The following GPC5 variants were observed in gnomAD, a reference collection of about 807,000 sequenced individuals.
GPC5 encodes the protein glypican 5, also known as glypican-5.
GPC5 carries 47 observed loss-of-function variants against 53.9 expected under a neutral mutation model. The observed-to-expected ratio is 0.87, with a 90% CI of 0.69 to 1.11. The LOEUF is 1.11. GPC5 is among the 50% of genes most tolerant of loss of function. The pLI is 0.00. For missense variants in GPC5, 748 were observed against 713.1 expected (o/e 1.05, Z -0.56); for synonymous variants, 286 against 263.3 (o/e 1.09, Z -0.84).
At chr13:92,460,543 A>G (rs1462895682) in intron 7 of GPC5, among the ~76,000 whole-genome samples, 1 of 152,178 alleles carries the variant, frequency 6.6e-6, no homozygotes, top group Non-Finnish European at 1.5e-5. Context: ...CCTAGTGGAT[A>G]TTGAAGAAAT....
intron 7 of GPC5, among the ~76,000 whole-genome samples, chr13:92,591,252 C>A (rs531189861): frequency 6.6e-6 from 1 of 152,182 alleles, no homozygotes; most frequent in South Asian, 2.1e-4. Context: ...CCTCCAGAAG[C>A]TTTTCTCCGT....
chr13:91,789,084 C>T (rs951333590), intron 5 of GPC5, among the ~76,000 whole-genome samples: 1 of 151,984 alleles, frequency 6.6e-6, no homozygotes, highest in South Asian at 2.1e-4. Flanking sequence ...CATGGTGGCA[C>T]GGCCTGTACT....
intron 2 of GPC5, among the ~76,000 whole-genome samples, chr13:91,619,644 C>T (rs2033798182): frequency 6.6e-6 from 1 of 151,980 alleles, no homozygotes; most frequent in Non-Finnish European, 1.5e-5. Flanking sequence ...ATGAATGTCA[C>T]ACACACACAG....
intron 5 of GPC5, among the ~76,000 whole-genome samples, chr13:91,883,291 C>T (rs771190742): frequency 8.5e-5 from 13 of 152,168 alleles, no homozygotes; most frequent in Admixed American, 5.9e-4. Context: ...AATGCCTGCT[C>T]TCTTATTATC....
rs150704266 is a variant in GPC5 at position 92,866,744 on chromosome 13, T to C, written c.*305T>C. On this transcript the variant is annotated 3_prime_UTR_variant, in exon 8 of 8. Transcript: ENST00000377067. ...GAATAAGAAGAATTTAGTGTATCTG[T>C]AATTTTATTATCAATTCCAAGCCCC... 92 of 192,526 alleles carry C rather than the reference T, an allele frequency of 4.8e-4. No homozygotes were observed. The highest frequency in any genetic ancestry group is 2.1e-3 in the African/African-American group (89 of 43,266). 11.9% of individuals were successfully genotyped at this position (192,526 alleles called of 1,614,324 possible).
At chr13:92,719,667 C>T (rs973158058) in intron 7 of GPC5, among the ~76,000 whole-genome samples, 16 of 151,998 alleles carry the variant, frequency 1.1e-4, no homozygotes, top group African/African-American at 3.9e-4. Context: ...CAAATTTGCC[C>T]AAGTCACTCA....
intron 2 of GPC5, among the ~76,000 whole-genome samples, chr13:91,567,029 T>C (rs2138963341): frequency 6.6e-6 from 1 of 151,622 alleles, no homozygotes; most frequent in South Asian, 2.1e-4. Flanking sequence ...AATTTGGGAC[T>C]GTCTCTATTT....
chr13:92,394,128 G>A (rs1334944459), intron 7 of GPC5, among the ~76,000 whole-genome samples: 2 of 152,048 alleles, frequency 1.3e-5, no homozygotes, highest in African/African-American at 4.8e-5. Flanking sequence ...AATGACAGGG[G>A]AATGACATGA....
At chr13:92,471,402 C>CTGCACACCA (rs1202210223) in intron 7 of GPC5, among the ~76,000 whole-genome samples, 2 of 152,132 alleles carry the variant, frequency 1.3e-5, no homozygotes, top group African/African-American at 4.8e-5. Flanking sequence ...CCAATACTTT[C>CTGCACACCA]TGCACACCAG....
chr13:91,885,939 T>G (rs1339207528), intron 5 of GPC5, among the ~76,000 whole-genome samples: 2 of 151,732 alleles, frequency 1.3e-5, no homozygotes. Flanking sequence ...TGGAGGTTCC[T>G]TTTTCTTGTA....
intron 2 of GPC5, among the ~76,000 whole-genome samples, chr13:91,672,440 T>G (rs897782971): frequency 6.6e-6 from 1 of 152,064 alleles, no homozygotes; most frequent in Non-Finnish European, 1.5e-5. Flanking sequence ...GAACAGGCAC[T>G]TCTCAAAAGA....
chr13:92,437,433 A>G (rs1367535146), intron 7 of GPC5, among the ~76,000 whole-genome samples: 1 of 152,138 alleles, frequency 6.6e-6, no homozygotes, highest in Admixed American at 6.6e-5. Flanking sequence ...CAACTGAATC[A>G]ATTTTAGAAA....
intron 7 of GPC5, among the ~76,000 whole-genome samples, chr13:92,357,100 C>A (rs116118274): frequency 0.03 from 4,438 of 150,222 alleles, 241 homozygotes; most frequent in African/African-American, 0.082. Context: ...ACCACAATTT[C>A]TTTATCCAAT....
chr13:92,712,553 G>C (rs1026235867), intron 7 of GPC5, among the ~76,000 whole-genome samples: 1 of 151,798 alleles, frequency 6.6e-6, no homozygotes, highest in African/African-American at 2.4e-5. Context: ...CCAAAACCAC[G>C]ATCCATAAAA....
intron 1 of GPC5, among the ~76,000 whole-genome samples, chr13:91,433,110 T>A (rs1879626490): frequency 6.6e-6 from 1 of 152,002 alleles, no homozygotes; most frequent in African/African-American, 2.4e-5. Context: ...AAGCAAATGT[T>A]CAGGAAAGCA....
chr13:92,662,872 T>G (rs1365370371), intron 7 of GPC5, among the ~76,000 whole-genome samples: 1 of 152,198 alleles, frequency 6.6e-6, no homozygotes, highest in Non-Finnish European at 1.5e-5. Flanking sequence ...TTCTCTTCCT[T>G]GCCCTGCTCC....
intron 7 of GPC5, among the ~76,000 whole-genome samples, chr13:92,378,852 C>A (rs2043715703): frequency 6.6e-6 from 1 of 152,094 alleles, no homozygotes; most frequent in Non-Finnish European, 1.5e-5. Flanking sequence ...ATGGATATTC[C>A]TTACCTTGCT....
intron 6 of GPC5, among the ~76,000 whole-genome samples, chr13:92,125,358 A>G (rs1350216022): frequency 2.0e-5 from 3 of 152,176 alleles, no homozygotes; most frequent in African/African-American, 7.2e-5. Context: ...TGGGGGTGAT[A>G]TATTACATAT....
intron 2 of GPC5, among the ~76,000 whole-genome samples, chr13:91,617,692 T>C (rs1288534043): frequency 1.3e-5 from 2 of 152,038 alleles, no homozygotes; most frequent in Non-Finnish European, 2.9e-5. Flanking sequence ...ACATTTACTT[T>C]AATTCTCCTT....
Sources: allele counts gnomAD v4.1 joint callset (sites outside exome capture counted in the v4.1 genomes callset), GRCh38; gene constraint gnomAD v4.1.1; transcripts MANE v1.5; gene names NCBI Gene and HGNC (gene_info 2026-07-23, HGNC 2026-07-21).